P3H2: variants seen among roughly 807,000 people sequenced by gnomAD.
P3H2 encodes prolyl 3-hydroxylase 2.
A neutral mutation model predicts 87.0 loss-of-function variants in P3H2; 80 were observed. The ratio of observed to expected loss-of-function variants is 0.92; its 90% CI spans 0.77 to 1.11. P3H2 has a LOEUF of 1.11. P3H2 is among the 50% of genes least tolerant of loss of function. The pLI, the probability that P3H2 is intolerant of heterozygous loss-of-function variation, is 0.00. For synonymous variants in P3H2, 367 were observed against 359.3 expected, an observed-to-expected ratio of 1.02 and a Z score of -0.24; for missense variants, 1,001 against 923.9, an observed-to-expected ratio of 1.08 and a Z score of -1.08.
intron 1 of P3H2, among the ~76,000 whole-genome samples, chr3:190,115,137 T>C (rs1420744531): frequency 2.0e-5 from 3 of 152,216 alleles, no homozygotes; most frequent in African/African-American, 7.2e-5. Flanking sequence ...AATTGTCTAA[T>C]GTAATTGTGT....
intron 8 of P3H2, among the ~76,000 whole-genome samples, chr3:189,977,562 C>T (rs1246816658): frequency 6.6e-6 from 1 of 152,108 alleles, no homozygotes; most frequent in Non-Finnish European, 1.5e-5. Context: ...TCATAAGCTG[C>T]TATATTTTCA....
At position 190,017,367 on chromosome 3, in the gene P3H2, A is replaced by C. The variant is rs74406957; in HGVS notation, c.481-21925T>G. ...AATACTGTTGCTTCCCCAGTTACAA[A>C]AGTTTGGGAATCATCCCCCAAAAAA... is the stretch of plus-strand genomic sequence containing the variant. On this transcript the variant is annotated intron_variant, in intron 1 of 14. Coordinates refer to ENST00000319332, the MANE Select transcript of P3H2 (RefSeq NM_018192.4). Among the ~76,000 whole-genome samples the C allele has an allele frequency of 3.7e-3, 562 of 152,292 alleles. 2 individuals are homozygous for C. Among genetic ancestry groups the C allele is most frequent in the African/African-American group, 0.013 (549 of 41,566 alleles).
chr3:190,047,814 A>G (rs1248141123), intron 1 of P3H2, among the ~76,000 whole-genome samples: 2 of 152,236 alleles, frequency 1.3e-5, no homozygotes, highest in African/African-American at 4.8e-5. Context: ...GCATTGGTTA[A>G]TGGGTATAAA....
chr3:189,965,947 C>T (rs944050503), intron 13 of P3H2, among the ~76,000 whole-genome samples: 2 of 138,464 alleles, frequency 1.4e-5, no homozygotes, highest in African/African-American at 5.5e-5. Flanking sequence ...GATCGTGCTA[C>T]TGCACTCCAG....
chr3:190,041,069 CACACACACACA>C, intron 1 of P3H2, among the ~76,000 whole-genome samples: 1 of 43,732 alleles, frequency 2.3e-5, no homozygotes, highest in African/African-American at 1.1e-4. Context: ...CACACACACA[CACACACACACA>C]CTCTCTCTCT....
rs571545430 is a variant in P3H2 at position 190,001,408 on chromosome 3, C to T, written c.481-5966G>A. 5.3e-5 allele frequency among the ~76,000 whole-genome samples: 8 copies of T among 152,302 alleles called. No individual in the cohort carries two copies. The South Asian group carries it at 1.4e-3, about 28-fold the overall frequency. ...ATAAGTAATTTCCATTATTCTCAAA[C>T]ATCAACATTTTCAATAAATGAATGA... is the stretch of plus-strand genomic sequence containing the variant. On this transcript the variant is annotated intron_variant, in intron 1 of 14. Coordinates refer to ENST00000319332, the MANE Select transcript of P3H2 (RefSeq NM_018192.4).
chr3:189,994,789 A>T (rs1268179772), intron 2 of P3H2, among the ~76,000 whole-genome samples: 1 of 151,602 alleles, frequency 6.6e-6, no homozygotes, highest in African/African-American at 2.4e-5. Context: ...ATGTGATTTC[A>T]AGTAATGTTT....
chr3:190,053,309 TG>T (rs1726041419), intron 1 of P3H2, among the ~76,000 whole-genome samples: 1 of 152,222 alleles, frequency 6.6e-6, no homozygotes, highest in South Asian at 2.1e-4. Flanking sequence ...CAAATATTTT[TG>T]ATTGTAAAAT....
At position 189,957,662 on chromosome 3, in the gene P3H2, C is replaced by A; in HGVS notation, c.*250G>T. On this transcript the variant is annotated 3_prime_UTR_variant, in exon 15 of 15. Coordinates refer to ENST00000319332, the MANE Select transcript of P3H2 (RefSeq NM_018192.4). ...ATCACATCTGTGAATAGCCACTGCC[C>A]TATATCCTAGACAACATGGTTAGAC... 1 of 536,930 alleles carries A rather than the reference C, an allele frequency of 1.9e-6. No individual in the cohort carries two copies. The highest frequency in any genetic ancestry group is 3.2e-5 in the Admixed American group (1 of 31,632). 33.3% of individuals were successfully genotyped at this position (536,930 alleles called of 1,614,324 possible). A position where few individuals can be genotyped will look rare whatever the true frequency, so the allele number is the denominator to read the frequency against.
intron 1 of P3H2, among the ~76,000 whole-genome samples, chr3:190,086,523 A>C (rs1247989076): frequency 6.6e-6 from 1 of 152,200 alleles, no homozygotes; most frequent in Non-Finnish European, 1.5e-5. Context: ...TGTGCAGAAG[A>C]AGCCTCAGAA....
intron 1 of P3H2, among the ~76,000 whole-genome samples, chr3:190,047,087 G>A (rs956224429): frequency 2.0e-5 from 3 of 151,940 alleles, no homozygotes; most frequent in South Asian, 2.1e-4. Flanking sequence ...GCAAAAGATC[G>A]GAATAGACAT....
Position 190,120,554 on chromosome 3 carries a change from A to T in P3H2, c.178T>A (p.Tyr60Asn). The change falls in exon 1 of 15, where the codon TAC (tyrosine) becomes AAC (asparagine). Residue 60 changes from tyrosine to asparagine, a missense_variant. Physicochemically the swap from Tyr to Asn is moderately radical, Grantham distance 143. Coordinates refer to ENST00000319332, the MANE Select transcript of P3H2 (RefSeq NM_018192.4). ...TCCAAGTCGCGCACCGCTCGCTCGT[A>T]GTCTCCGCTGTAGTAGGCGGCCGCG... ...SGAAAYYSGD[Y>N]ERAVRDLEAA... The T allele has an allele frequency of 1.3e-6, 2 of 1,528,420 alleles. No homozygotes were observed. The highest frequency in any genetic ancestry group is 1.7e-6 in the Non-Finnish European group (2 of 1,147,460). 94.7% of individuals were successfully genotyped at this position (1,528,420 alleles called of 1,614,324 possible). A position where few individuals can be genotyped will look rare whatever the true frequency, so the allele number is the denominator to read the frequency against.
intron 1 of P3H2, among the ~76,000 whole-genome samples, chr3:190,085,334 T>C (rs576466385): frequency 6.6e-6 from 1 of 152,362 alleles, no homozygotes; most frequent in Non-Finnish European, 1.5e-5. Context: ...ATGACATTTC[T>C]GTTTATTGAT....
At chr3:189,975,640 G>A (rs947787317) in intron 8 of P3H2, among the ~76,000 whole-genome samples, 4 of 152,156 alleles carry the variant, frequency 2.6e-5, no homozygotes, top group African/African-American at 9.7e-5. Flanking sequence ...GCCACCCCAG[G>A]TCTAGCAAAG....
chr3:190,115,468 T>G (rs1395919519), intron 1 of P3H2, among the ~76,000 whole-genome samples: 1 of 151,366 alleles, frequency 6.6e-6, no homozygotes, highest in Non-Finnish European at 1.5e-5. Context: ...CATTCCTGAT[T>G]ATAAAGGACA....
At chr3:190,118,429 C>G (rs930123932) in intron 1 of P3H2, among the ~76,000 whole-genome samples, 1 of 152,008 alleles carries the variant, frequency 6.6e-6, no homozygotes, top group African/African-American at 2.4e-5. Context: ...GTCAGACACT[C>G]AAGGTCCCCT....
chr3:190,077,473 T>C (rs1368319449), intron 1 of P3H2, among the ~76,000 whole-genome samples: 2 of 152,322 alleles, frequency 1.3e-5, no homozygotes. Flanking sequence ...TGTATGCACA[T>C]GGACACACAC....
chr3:189,984,461 A>G, intron 7 of P3H2, 89 bp downstream of exon 7: 2 of 986,698 alleles, frequency 2.0e-6, no homozygotes, highest in Non-Finnish European at 3.3e-6. Context: ...CTCCTTGCCT[A>G]TTTCATAGAG....
chr3:190,113,518 C>T (rs545958538), intron 1 of P3H2, among the ~76,000 whole-genome samples: 38 of 151,080 alleles, frequency 2.5e-4, no homozygotes, highest in African/African-American at 8.9e-4. Flanking sequence ...CTAAGAAATC[C>T]ACAGTTTACT....
Sources: gnomAD v4.1 joint callset for allele counts (sites outside exome capture counted in the v4.1 genomes callset) on GRCh38, gnomAD v4.1.1 for gene constraint, MANE v1.5 for transcripts, NCBI Gene and HGNC (gene_info 2026-07-23, HGNC 2026-07-21) for gene names.